ERAP1: variants seen among roughly 807,000 people sequenced by gnomAD.
The protein encoded by ERAP1 is adipocyte-derived leucine aminopeptidase.
A neutral mutation model predicts 103.7 loss-of-function variants in ERAP1; 86 were observed. The ratio of observed to expected loss-of-function variants is 0.83; its 90% CI spans 0.70 to 0.99. The LOEUF is 0.99. Among genes scored for constraint, ERAP1 ranks in the 50% least tolerant of loss-of-function variants. The pLI is 0.00. For missense variants in ERAP1, 1,009 were observed against 1,128.4 expected (o/e 0.89, Z 1.52); for synonymous variants, 398 against 402.4 (o/e 0.99, Z 0.13).
chr5:96,862,654 A>G, the ERAP1 span, among the ~76,000 whole-genome samples: 188 of 152,310 alleles, frequency 1.2e-3, no homozygotes, highest in African/African-American at 4.4e-3. Flanking sequence ...GTAGCGAATG[A>G]GTTTTAAAGA....
chr5:96,843,835 C>T, the ERAP1 span, among the ~76,000 whole-genome samples: 4 of 152,176 alleles, frequency 2.6e-5, no homozygotes, highest in Non-Finnish European at 5.9e-5. Flanking sequence ...ACATTCTTTT[C>T]TACTGACCCT....
the ERAP1 span, among the ~76,000 whole-genome samples, chr5:96,924,001 G>A: frequency 6.6e-6 from 1 of 152,194 alleles, no homozygotes. Flanking sequence ...AGGAAATTAA[G>A]GGCAGTATCT....
chr5:96,931,419 A>T, the ERAP1 span, among the ~76,000 whole-genome samples: 2 of 152,302 alleles, frequency 1.3e-5, no homozygotes, highest in African/African-American at 4.8e-5. Context: ...GGCCTCCCAA[A>T]GTGCTGGAAT....
At chr5:96,917,708 C>A in the ERAP1 span, 159 of 898,206 alleles carry the variant, frequency 1.8e-4, no homozygotes, top group East Asian at 4.6e-3. Context: ...AGATGGAGAC[C>A]ATCCTGGCTA....
chr5:96,875,539 A>T, the ERAP1 span, among the ~76,000 whole-genome samples: 2 of 151,338 alleles, frequency 1.3e-5, no homozygotes, highest in African/African-American at 4.8e-5. Context: ...CTATCTCAAA[A>T]AAAAAAAAAA....
chr5:96,822,014 G>A, the ERAP1 span, among the ~76,000 whole-genome samples: 17 of 152,192 alleles, frequency 1.1e-4, no homozygotes, highest in Non-Finnish European at 2.1e-4. Context: ...TATCCCAAGT[G>A]TGATTATTGT....
the ERAP1 span, among the ~76,000 whole-genome samples, chr5:96,842,183 C>T: frequency 2.6e-5 from 4 of 152,200 alleles, no homozygotes; most frequent in East Asian, 7.7e-4. Context: ...TTTATCTACT[C>T]ATTGGTTGAT....
intron 5 of ERAP1, 76 bp downstream of exon 5, chr5:96,794,966 G>C: frequency 6.4e-7 from 1 of 1,553,984 alleles, no homozygotes; most frequent in Non-Finnish European, 8.7e-7. Context: ...CAACTACAGG[G>C]ATGTGCCAAT....
the ERAP1 span, chr5:96,876,037 T>G: frequency 0.64 from 97,152 of 152,154 alleles, 31,369 homozygotes; most frequent in Middle Eastern, 0.73. Context: ...ACATGGAAAA[T>G]CTGAGAATAA....
chr5:96,834,874 C>T, the ERAP1 span, among the ~76,000 whole-genome samples: 2 of 152,198 alleles, frequency 1.3e-5, no homozygotes, highest in Non-Finnish European at 2.9e-5. Flanking sequence ...CAAAGAAACA[C>T]TGCATAATAC....
At chr5:96,903,579 T>C in the ERAP1 span, 1 of 1,578,650 alleles carries the variant, frequency 6.3e-7, no homozygotes, top group South Asian at 1.2e-5. Context: ...ACATTTCCTC[T>C]GACTTCATGC....
chr5:96,831,131 G>T, the ERAP1 span, among the ~76,000 whole-genome samples: 2 of 152,156 alleles, frequency 1.3e-5, no homozygotes, highest in African/African-American at 4.8e-5. Flanking sequence ...CTTCTGAGGA[G>T]GCCTCAGGAA....
At chr5:96,897,865 A>C in the ERAP1 span, among the ~76,000 whole-genome samples, 1 of 152,226 alleles carries the variant, frequency 6.6e-6, no homozygotes, top group African/African-American at 2.4e-5. Context: ...GGACAGTAAT[A>C]ATATTGTTTA....
chr5:96,929,025 G>A, the ERAP1 span, among the ~76,000 whole-genome samples: 24 of 152,154 alleles, frequency 1.6e-4, no homozygotes, highest in Non-Finnish European at 3.2e-4. Context: ...TAAGGTGATC[G>A]CTCCCTAGTG....
chr5:96,913,231 T>C, the ERAP1 span: 3 of 1,066,798 alleles, frequency 2.8e-6, no homozygotes, highest in Non-Finnish European at 4.1e-6. Context: ...CTTTCTGTTC[T>C]ATTCTTTTAA....
At chr5:96,862,357 A>G in the ERAP1 span, among the ~76,000 whole-genome samples, 1 of 152,334 alleles carries the variant, frequency 6.6e-6, no homozygotes, top group East Asian at 1.9e-4. Context: ...CCCAAGTGCC[A>G]TCTCAATAAA....
rs76857865 is a variant in ERAP1 at position 96,790,056 on chromosome 5, G to A, written c.1524+240C>T. Among the ~76,000 whole-genome samples, 33 of 152,296 alleles carry A rather than the reference G, an allele frequency of 2.2e-4. 2 individuals are homozygous for A. Among genetic ancestry groups the A allele is most frequent in the Non-Finnish European group, 2.9e-5 (2 of 68,012 alleles). ...ATAAATCCACTGCTTTAAAAGGGAAGCTAGAGAAATTAGTATCAGTGAGAA... is the reference window on the plus strand; with the variant it reads ...ATAAATCCACTGCTTTAAAAGGGAAACTAGAGAAATTAGTATCAGTGAGAA... On this transcript the variant is annotated intron_variant, in intron 10 of 18. Coordinates refer to ENST00000443439, the MANE Select transcript of ERAP1 (RefSeq NM_001040458.3).
the ERAP1 span, among the ~76,000 whole-genome samples, chr5:96,868,659 C>T: frequency 3.9e-5 from 6 of 152,194 alleles, no homozygotes; most frequent in Admixed American, 2.6e-4. Flanking sequence ...GTATCAGAAC[C>T]GTTTCAAAAG....
At chr5:96,922,229 C>T in the ERAP1 span, among the ~76,000 whole-genome samples, 2 of 152,040 alleles carry the variant, frequency 1.3e-5, no homozygotes, top group Non-Finnish European at 1.5e-5. Context: ...ACCCGGGAGG[C>T]GGAGCTTGCA....
Sources: allele counts gnomAD v4.1 joint callset (sites outside exome capture counted in the v4.1 genomes callset), GRCh38; gene constraint gnomAD v4.1.1; transcripts MANE v1.5; gene names NCBI Gene and HGNC (gene_info 2026-07-23, HGNC 2026-07-21).